DNAJC3: variants seen among roughly 807,000 people sequenced by gnomAD.
DNAJC3 encodes DnaJ heat shock protein family (Hsp40) member C3.
In DNAJC3, 38 loss-of-function variants were observed where a neutral mutation model predicts 68.6. That is an observed-to-expected ratio of 0.55 (90% CI 0.43 to 0.73). DNAJC3 has a LOEUF of 0.73. DNAJC3 is among the 30% of genes least tolerant of loss of function. DNAJC3 has a pLI of 0.00. For synonymous variants in DNAJC3, 203 were observed against 204.0 expected, an observed-to-expected ratio of 1.00 and a Z score of 0.04; for missense variants, 526 against 591.9, an observed-to-expected ratio of 0.89 and a Z score of 1.16.
intron 1 of DNAJC3, among the ~76,000 whole-genome samples, chr13:95,690,967 G>A (rs1339390938): frequency 7.3e-6 from 1 of 137,004 alleles, no homozygotes; most frequent in Non-Finnish European, 1.6e-5. Context: ...CGGGCGGGGG[G>A]CTGACACCCC....
At chr13:95,719,236 G>A (rs1000957652) in intron 2 of DNAJC3, among the ~76,000 whole-genome samples, 2 of 152,178 alleles carry the variant, frequency 1.3e-5, no homozygotes, top group East Asian at 1.9e-4. Flanking sequence ...CCCTCTCTGG[G>A]TGTACCACCC....
intron 9 of DNAJC3, among the ~76,000 whole-genome samples, chr13:95,772,870 T>G (rs1883192329): frequency 6.6e-6 from 1 of 152,208 alleles, no homozygotes; most frequent in East Asian, 1.9e-4. Context: ...TATTGCTGGA[T>G]TTGATTTGCT....
chr13:95,701,079 A>G (rs1229426180), intron 1 of DNAJC3, among the ~76,000 whole-genome samples: 1 of 152,184 alleles, frequency 6.6e-6, no homozygotes, highest in African/African-American at 2.4e-5. Context: ...CAAAGGTAGC[A>G]TCCTTCCTAC....
chr13:95,774,859 C>T (rs1433165435), intron 9 of DNAJC3, among the ~76,000 whole-genome samples: 1 of 152,006 alleles, frequency 6.6e-6, no homozygotes, highest in Admixed American at 6.5e-5. Context: ...TGTCTTTGTG[C>T]CTTTATAAGT....
chr13:95,743,737 T>C (rs1437581952), intron 4 of DNAJC3, among the ~76,000 whole-genome samples: 4 of 152,148 alleles, frequency 2.6e-5, no homozygotes, highest in African/African-American at 9.7e-5. Context: ...TTTTGTGTTT[T>C]GAGTGGAAAT....
In DNAJC3 at chr13:95,738,245, A is replaced by G. The variant is rs867573372; in HGVS notation, c.393+12993A>G. On this transcript the variant is annotated intron_variant, in intron 4 of 11. Coordinates refer to ENST00000602402, the MANE Select transcript of DNAJC3 (RefSeq NM_006260.5). ...GCTGAGGAGAGCTTTACTTCCCAGT[A>G]TGTGGTCAATTTTGGAATAGGTGTT... 1.4e-3 allele frequency among the ~76,000 whole-genome samples: 215 copies of G among 150,348 alleles called. 2 individuals are homozygous for G. In the Middle Eastern group the frequency reaches 0.017, roughly 12 times the overall value.
intron 1 of DNAJC3, among the ~76,000 whole-genome samples, chr13:95,685,596 C>T (rs1477694658): frequency 1.3e-5 from 2 of 151,742 alleles, no homozygotes; most frequent in African/African-American, 2.4e-5. Context: ...GGAGCTGGGG[C>T]GGAATGATAT....
intron 2 of DNAJC3, among the ~76,000 whole-genome samples, chr13:95,722,198 A>G (rs1449227349): frequency 6.6e-6 from 1 of 152,158 alleles, no homozygotes; most frequent in African/African-American, 2.4e-5. Context: ...CGGAAACCTA[A>G]TTCATCTGTC....
chr13:95,740,744 A>ATTTCT (rs1882113375), intron 4 of DNAJC3, among the ~76,000 whole-genome samples: 1 of 152,208 alleles, frequency 6.6e-6, no homozygotes, highest in Non-Finnish European at 1.5e-5. Context: ...CCGGTACCTC[A>ATTTCT]GATGGAAATG....
In DNAJC3 at chr13:95,705,483, G is replaced by T. The variant is rs142363089; in HGVS notation, c.83-3744G>T. 5.3e-5 allele frequency among the ~76,000 whole-genome samples: 8 copies of T among 151,094 alleles called. No homozygotes were observed. In the East Asian group the frequency reaches 1.6e-3, roughly 29 times the overall value. Reference sequence around the variant, plus strand: ...AGAATTTTGAAAACCTTGTTAGGTGGTCCCTCACTAATACATTTCTCCCTC... The same window carrying T: ...AGAATTTTGAAAACCTTGTTAGGTGTTCCCTCACTAATACATTTCTCCCTC... On this transcript the variant is annotated intron_variant, in intron 1 of 11. Coordinates refer to ENST00000602402, the MANE Select transcript of DNAJC3 (RefSeq NM_006260.5).
At chr13:95,728,873 G>T (rs1881612565) in intron 4 of DNAJC3, among the ~76,000 whole-genome samples, 1 of 152,034 alleles carries the variant, frequency 6.6e-6, no homozygotes, top group African/African-American at 2.4e-5. Context: ...ACCCTACTTT[G>T]CTATTAAACA....
At chr13:95,688,189 A>G (rs1293464850) in intron 1 of DNAJC3, among the ~76,000 whole-genome samples, 2 of 152,246 alleles carry the variant, frequency 1.3e-5, no homozygotes, top group Admixed American at 1.3e-4. Context: ...TGGAGTCCTT[A>G]GGGTTTTTTA....
intron 1 of DNAJC3, among the ~76,000 whole-genome samples, chr13:95,699,995 T>G (rs1165590319): frequency 6.6e-6 from 1 of 152,040 alleles, no homozygotes; most frequent in Admixed American, 6.6e-5. Context: ...TTTTTAAAAT[T>G]TTTTGTAGAG....
intron 2 of DNAJC3, among the ~76,000 whole-genome samples, chr13:95,712,095 A>G (rs1254267568): frequency 6.6e-6 from 1 of 152,248 alleles, no homozygotes; most frequent in African/African-American, 2.4e-5. Context: ...TAGTCATCAC[A>G]TTAAAAGACT....
chr13:95,792,001 T>TATCA lies in DNAJC3; in HGVS notation c.*973_*976dup, dbSNP rs565732590. 5.9e-5 allele frequency: 9 copies of TATCA among 152,152 alleles called. No homozygotes were observed. The highest frequency in any genetic ancestry group is 1.9e-4 in the African/African-American group (8 of 41,388). 9.4% of individuals were successfully genotyped at this position (152,152 alleles called of 1,614,324 possible). On this transcript the variant is annotated 3_prime_UTR_variant, in exon 12 of 12. Transcript: ENST00000602402. ...AGTGGGCAGCTTCTGTTTCTCCTTC[T>TATCA]ATCAAGGCTTCACCCTATCTTAAAG...
chr13:95,700,612 T>A (rs1880558503), intron 1 of DNAJC3, among the ~76,000 whole-genome samples: 1 of 152,204 alleles, frequency 6.6e-6, no homozygotes, highest in Non-Finnish European at 1.5e-5. Context: ...TGAATTCCAA[T>A]CAGCTTTTTG....
chr13:95,720,972 A>G (rs1297386747), intron 2 of DNAJC3, among the ~76,000 whole-genome samples: 2 of 152,006 alleles, frequency 1.3e-5, no homozygotes, highest in Non-Finnish European at 2.9e-5. Context: ...TTGTGTTCAC[A>G]TTGTTGTGCA....
intron 9 of DNAJC3, among the ~76,000 whole-genome samples, chr13:95,773,562 A>T (rs778372904): frequency 1.3e-5 from 2 of 151,944 alleles, no homozygotes; most frequent in Admixed American, 1.3e-4. Flanking sequence ...GAATGTTTCT[A>T]TTTCTTGACA....
In DNAJC3 at chr13:95,707,960, C is replaced by T. The variant is rs192599511; in HGVS notation, c.83-1267C>T. ...GAGCGAAGGCTGGTTAGCCTGTCTA[C>T]GAAGGGAGTCCAGGTGCTTCTGTGG... On this transcript the variant is annotated intron_variant, in intron 1 of 11. Transcript: ENST00000602402. Among the ~76,000 whole-genome samples the T allele has an allele frequency of 6.5e-3, 986 of 152,222 alleles. 18 individuals carry two copies. Among genetic ancestry groups the T allele is most frequent in the Non-Finnish European group, 4.7e-3 (321 of 68,016 alleles).
Sources: gnomAD v4.1 joint callset for allele counts (sites outside exome capture counted in the v4.1 genomes callset) on GRCh38, gnomAD v4.1.1 for gene constraint, MANE v1.5 for transcripts, NCBI Gene and HGNC (gene_info 2026-07-23, HGNC 2026-07-21) for gene names.